The following ADARB2 variants were observed in gnomAD, a reference collection of about 807,000 sequenced individuals.
ADARB2 encodes the protein inactive double-stranded RNA-specific editase B2.
In ADARB2, 25 loss-of-function variants were observed where a neutral mutation model predicts 62.2. That is an observed-to-expected ratio of 0.40 (90% confidence interval 0.29 to 0.56). The LOEUF is 0.56. Ranked by LOEUF, ADARB2 falls within the 20% of genes least tolerant of loss-of-function variation. The pLI is 0.43. For missense variants in ADARB2, 1,071 were observed against 1,077.4 expected (o/e 0.99, Z 0.08); for synonymous variants, 572 against 500.8 (o/e 1.14, Z -1.90).
intron 1 of ADARB2, among the ~76,000 whole-genome samples, chr10:1,526,404 CGT>C (rs1832142521): frequency 6.6e-6 from 1 of 151,670 alleles, no homozygotes; most frequent in Admixed American, 6.6e-5. Context: ...CATGTTGAAA[CGT>C]GATCCCCAGT....
chr10:1,393,055 T>G (rs1260219648), intron 1 of ADARB2, among the ~76,000 whole-genome samples: 1 of 152,172 alleles, frequency 6.6e-6, no homozygotes, highest in African/African-American at 2.4e-5. Context: ...TGACAGGAGC[T>G]CCTAGTAGCT....
At chr10:1,296,565 A>G (rs1435049377) in intron 3 of ADARB2, among the ~76,000 whole-genome samples, 1 of 152,166 alleles carries the variant, frequency 6.6e-6, no homozygotes, top group Non-Finnish European at 1.5e-5. Context: ...TGTGGAGTAC[A>G]GAAGGCCAAG....
At chr10:1,554,730 T>C (rs1420622381) in intron 1 of ADARB2, among the ~76,000 whole-genome samples, 4 of 152,212 alleles carry the variant, frequency 2.6e-5, no homozygotes, top group Non-Finnish European at 5.9e-5. Context: ...ACTAAAAAGG[T>C]ATTTTTAAAC....
chr10:1,558,143 C>T (rs1382119791), intron 1 of ADARB2, among the ~76,000 whole-genome samples: 2 of 152,100 alleles, frequency 1.3e-5, no homozygotes, highest in Non-Finnish European at 2.9e-5. Flanking sequence ...ACGTCTCCAT[C>T]CTTCCCACCC....
chr10:1,217,866 C>G (rs1002744365), intron 6 of ADARB2, among the ~76,000 whole-genome samples: 7 of 152,040 alleles, frequency 4.6e-5, no homozygotes, highest in Admixed American at 1.3e-4. Context: ...CCGCCAGGCC[C>G]AGAAGTGACG....
intron 1 of ADARB2, among the ~76,000 whole-genome samples, chr10:1,480,063 C>A (rs78932995): frequency 6.6e-6 from 1 of 150,550 alleles, no homozygotes. Flanking sequence ...ATATACAAAA[C>A]AAAAAAAAAC....
intron 4 of ADARB2, among the ~76,000 whole-genome samples, chr10:1,260,637 T>C (rs1304907135): frequency 6.6e-6 from 1 of 151,654 alleles, no homozygotes; most frequent in Non-Finnish European, 1.5e-5. Context: ...AAACCACTGA[T>C]CAAGGAAATA....
chr10:1,197,958 C>T (rs1345647690), intron 8 of ADARB2, among the ~76,000 whole-genome samples: 1 of 152,186 alleles, frequency 6.6e-6, no homozygotes, highest in African/African-American at 2.4e-5. Context: ...TTATTAATTA[C>T]TATCCCCATC....
chr10:1,467,285 C>CG (rs1426582509), intron 1 of ADARB2, among the ~76,000 whole-genome samples: 1 of 152,186 alleles, frequency 6.6e-6, no homozygotes, highest in Admixed American at 6.5e-5. Flanking sequence ...GAAAAGGCAT[C>CG]GCTGTTCTTC....
At chr10:1,721,717 G>T (rs1723053729) in intron 1 of ADARB2, among the ~76,000 whole-genome samples, 1 of 152,180 alleles carries the variant, frequency 6.6e-6, no homozygotes, top group African/African-American at 2.4e-5. Context: ...TTATCTCAAT[G>T]ATGTGTCTGT....
chr10:1,600,383 G>A (rs1833394625), intron 1 of ADARB2, among the ~76,000 whole-genome samples: 3 of 152,136 alleles, frequency 2.0e-5, no homozygotes, highest in East Asian at 2.0e-4. Context: ...GCAGGAGGCC[G>A]GGCACAGTGG....
chr10:1,365,092 G>A (rs1237112484), intron 2 of ADARB2, among the ~76,000 whole-genome samples: 1 of 151,956 alleles, frequency 6.6e-6, no homozygotes, highest in East Asian at 1.9e-4. Flanking sequence ...GGCTGGTCTC[G>A]AACTCCTGAC....
intron 1 of ADARB2, among the ~76,000 whole-genome samples, chr10:1,710,384 C>T (rs1348577011): frequency 6.6e-6 from 1 of 152,160 alleles, no homozygotes; most frequent in East Asian, 1.9e-4. Flanking sequence ...AAAAAAGTTA[C>T]TATTTAGGAG....
intron 1 of ADARB2, among the ~76,000 whole-genome samples, chr10:1,628,341 G>A (rs915741555): frequency 2.6e-5 from 4 of 152,224 alleles, no homozygotes; most frequent in South Asian, 2.1e-4. Flanking sequence ...GCTGCGTTAC[G>A]ATCGGCATTC....
At chr10:1,309,415 C>A (rs368485308) in intron 3 of ADARB2, among the ~76,000 whole-genome samples, 3 of 152,312 alleles carry the variant, frequency 2.0e-5, no homozygotes, top group African/African-American at 7.2e-5. Context: ...TGGCAGCGCT[C>A]CCTGGGATAC....
chr10:1,567,325 C>T (rs551464630), intron 1 of ADARB2, among the ~76,000 whole-genome samples: 5 of 152,334 alleles, frequency 3.3e-5, no homozygotes, highest in African/African-American at 1.2e-4. Context: ...GCTCTTTCTC[C>T]CAACGTGCTT....
rs535675183 is a variant in ADARB2 at position 1,603,035 on chromosome 10, A to C, written c.100+134016T>G. On this transcript the variant is annotated intron_variant, in intron 1 of 9. Transcript: ENST00000381312. ...ACACACACATACACACATCAATATA[A>C]ACACACACGCACACACACCTATACA... is the stretch of plus-strand genomic sequence containing the variant. Among the ~76,000 whole-genome samples, 710 of 149,302 alleles carry C rather than the reference A, an allele frequency of 4.8e-3. 2 individuals are homozygous for C. The highest frequency in any genetic ancestry group is 0.016 in the African/African-American group (653 of 40,464).
At chr10:1,510,212 G>T (rs986623744) in intron 1 of ADARB2, among the ~76,000 whole-genome samples, 5 of 128,596 alleles carry the variant, frequency 3.9e-5, no homozygotes, top group African/African-American at 5.9e-5. Context: ...ACAAGATCTC[G>T]CTCTGTTGCC....
At chr10:1,225,788 T>A (rs1234944377) in intron 6 of ADARB2, among the ~76,000 whole-genome samples, 1 of 151,932 alleles carries the variant, frequency 6.6e-6, no homozygotes, top group Non-Finnish European at 1.5e-5. Flanking sequence ...CAGCTGTTAG[T>A]CTGATGGGGT....
Sources: gnomAD v4.1 joint callset for allele counts (sites outside exome capture counted in the v4.1 genomes callset) on GRCh38, gnomAD v4.1.1 for gene constraint, MANE v1.5 for transcripts, NCBI Gene and HGNC (gene_info 2026-07-23, HGNC 2026-07-21) for gene names.